Variants in TXLNB observed in about 807,000 individuals in gnomAD.
The protein encoded by TXLNB is taxilin beta, also known as beta-taxilin.
Under a neutral mutation model 57.4 loss-of-function variants are expected in TXLNB, and 37 were observed. The observed-to-expected ratio is 0.64, with a 90% CI of 0.50 to 0.85. The LOEUF (loss-of-function observed/expected upper bound fraction) is 0.85. TXLNB is among the 40% of genes least tolerant of loss of function. The pLI is 0.00. For synonymous variants in TXLNB, 302 were observed against 309.6 expected, an observed-to-expected ratio of 0.98 and a Z score of 0.26; for missense variants, 848 against 825.6, an observed-to-expected ratio of 1.03 and a Z score of -0.33.
At chr6:139,306,275 T>C in the TXLNB span, among the ~76,000 whole-genome samples, 1 of 152,196 alleles carries the variant, frequency 6.6e-6, no homozygotes, top group African/African-American at 2.4e-5. Flanking sequence ...CTCCTATTTT[T>C]GAATGCTCCC....
rs1451438481 is a variant in TXLNB, at chr6:139,243,040, T to C, written c.1541A>G (p.Glu514Gly). Residue 514 changes from glutamate to glycine, a missense_variant, in exon 10 of 10, where the codon GAG (glutamate) becomes GGG (glycine). By Grantham distance (98) the Glu-to-Gly change is moderately conservative (BLOSUM62 -2). Transcript: ENST00000358430. ...ATAFMIIHHP[E>G]STPHQSKETQ... ...TTCTTTGGACTGGTGCGGGGTTGAC[T>C]CTGGATGATGAATTATCATGAAGGC... is the stretch of plus-strand genomic sequence containing the variant. 1 of 1,614,146 alleles carries C rather than the reference T, an allele frequency of 6.2e-7. No individual in the cohort carries two copies. Among genetic ancestry groups the C allele is most frequent in the East Asian group, 2.2e-5 (1 of 44,882 alleles).
At chr6:139,175,870 C>T in the TXLNB span, among the ~76,000 whole-genome samples, 3 of 152,184 alleles carry the variant, frequency 2.0e-5, no homozygotes, top group African/African-American at 7.2e-5. Context: ...TTCCTTAAAA[C>T]AATTGAAGCC....
At chr6:139,163,138 T>G in the TXLNB span, among the ~76,000 whole-genome samples, 1 of 152,162 alleles carries the variant, frequency 6.6e-6, no homozygotes, top group Admixed American at 6.5e-5. Flanking sequence ...AATTCTTAAC[T>G]CGGGGTGATT....
the TXLNB span, among the ~76,000 whole-genome samples, chr6:139,196,255 G>A: frequency 1.3e-4 from 19 of 151,568 alleles, no homozygotes; most frequent in Admixed American, 2.6e-4. Context: ...TGGAACATGA[G>A]AGTTTAGAAA....
chr6:139,228,755 C>G, the TXLNB span, among the ~76,000 whole-genome samples: 1 of 152,138 alleles, frequency 6.6e-6, no homozygotes, highest in Non-Finnish European at 1.5e-5. Flanking sequence ...GGCGAGCACA[C>G]TGGATCGGAG....
rs539765547 is a variant in TXLNB, at chr6:139,242,773, G to A, written c.1808C>T (p.Ser603Phe). 3.7e-6 allele frequency: 6 copies of A among 1,614,156 alleles called. No homozygotes were observed. The highest frequency in any genetic ancestry group is 3.3e-5 in the South Asian group (3 of 91,080). The part of the protein sequence containing the change: ...LPVGAQADQA[S>F]WKPEAEASGQ... ...GGAAGCTTCTGCCTCTGGCTTCCAG[G>A]ACGCCTGATCAGCCTGTGCTCCAAC... The change falls in exon 10 of 10, where the codon TCC becomes TTC. Residue 603 changes from serine to phenylalanine, a missense_variant. Transcript: ENST00000358430.
intron 2 of TXLNB, among the ~76,000 whole-genome samples, chr6:139,286,468 C>T (rs940961358): frequency 7.9e-5 from 12 of 151,534 alleles, no homozygotes; most frequent in African/African-American, 2.9e-4. Flanking sequence ...AGAAATCAAG[C>T]TAAAACAGAT....
intron 2 of TXLNB, among the ~76,000 whole-genome samples, chr6:139,285,513 T>C (rs1777152503): frequency 6.9e-6 from 1 of 144,542 alleles, no homozygotes; most frequent in Admixed American, 6.8e-5. Flanking sequence ...ATTATGTTTT[T>C]CCATGTTCCA....
the TXLNB span, chr6:139,174,493 G>A: frequency 6.2e-7 from 1 of 1,614,008 alleles, no homozygotes. Flanking sequence ...CACCAGCTGG[G>A]CACTATGTAC....
the TXLNB span, among the ~76,000 whole-genome samples, chr6:139,169,026 T>C: frequency 1.4e-3 from 212 of 152,336 alleles, 7 homozygotes; most frequent in South Asian, 0.042. Flanking sequence ...GTTCTGAAAT[T>C]TCACCATATG....
chr6:139,208,125 A>C, the TXLNB span, among the ~76,000 whole-genome samples: 1 of 152,242 alleles, frequency 6.6e-6, no homozygotes, highest in East Asian at 1.9e-4. Context: ...TACAGCCAAT[A>C]CCACAGAAAT....
At chr6:139,193,863 A>T in the TXLNB span, among the ~76,000 whole-genome samples, 1 of 84,692 alleles carries the variant, frequency 1.2e-5, no homozygotes, top group African/African-American at 4.3e-5. Flanking sequence ...TTTTTTTGAG[A>T]CGGAGTCTCG....
rs202149819 is a variant in TXLNB at position 139,242,532 on chromosome 6, G to A, written c.2049C>T (p.Val683=). 72 of 1,500,562 alleles carry A rather than the reference G, an allele frequency of 4.8e-5. No homozygotes were observed. In the African/African-American group the frequency reaches 5.8e-4, roughly 12 times the overall value. The allele number at this position is 1,500,562 out of a possible 1,614,324, so 93.0% of individuals were successfully genotyped here. The part of the protein sequence containing the change: ...RNVADTNLEG[V]D ...TCTGAAGGCACGGTGAGGCTTAGTCGACGCCTTCCAGATTGGTGTCAGCCA... is the reference window on the plus strand; with the variant it reads ...TCTGAAGGCACGGTGAGGCTTAGTCAACGCCTTCCAGATTGGTGTCAGCCA... Residue 683 remains valine (V), a synonymous_variant, in exon 10 of 10, where the codon GTC becomes GTT. Transcript: ENST00000358430.
At chr6:139,323,137 T>C in the TXLNB span, among the ~76,000 whole-genome samples, 1 of 152,198 alleles carries the variant, frequency 6.6e-6, no homozygotes, top group Admixed American at 6.5e-5. Context: ...TTATCCTTCC[T>C]TAAATACATA....
intron 7 of TXLNB, among the ~76,000 whole-genome samples, chr6:139,252,730 G>A (rs766773060): frequency 6.6e-6 from 1 of 152,170 alleles, no homozygotes; most frequent in African/African-American, 2.4e-5. Flanking sequence ...AGTGGCTCAC[G>A]CCTGGAATCC....
the TXLNB span, among the ~76,000 whole-genome samples, chr6:139,172,003 T>C: frequency 1.3e-5 from 2 of 152,096 alleles, no homozygotes; most frequent in Non-Finnish European, 2.9e-5. Flanking sequence ...CTAATTTTTT[T>C]ATATTTTAGT....
intron 3 of TXLNB, among the ~76,000 whole-genome samples, chr6:139,276,250 C>CAATTAA (rs1776892528): frequency 6.6e-6 from 1 of 152,042 alleles, no homozygotes; most frequent in African/African-American, 2.4e-5. Flanking sequence ...AATAAAGTTT[C>CAATTAA]CCAAACTATG....
At chr6:139,322,861 C>T in the TXLNB span, among the ~76,000 whole-genome samples, 1 of 152,256 alleles carries the variant, frequency 6.6e-6, no homozygotes, top group East Asian at 1.9e-4. Context: ...CTCCTCTTGC[C>T]TGTATGTTGC....
intron 3 of TXLNB, among the ~76,000 whole-genome samples, chr6:139,275,548 A>T (rs1776875259): frequency 6.6e-6 from 1 of 152,226 alleles, no homozygotes; most frequent in African/African-American, 2.4e-5. Flanking sequence ...TCTAAAAAAT[A>T]ATTTAAAAAT....
Sources: allele counts gnomAD v4.1 joint callset (sites outside exome capture counted in the v4.1 genomes callset), GRCh38; gene constraint gnomAD v4.1.1; transcripts MANE v1.5; gene names NCBI Gene and HGNC (gene_info 2026-07-23, HGNC 2026-07-21).